The following SORCS2 variants were observed in gnomAD, a reference collection of about 807,000 sequenced individuals.
SORCS2 encodes sortilin related VPS10 domain containing receptor 2, also known as VPS10 domain-containing receptor SorCS2.
Under a neutral mutation model 141.6 loss-of-function variants are expected in SORCS2, and 100 were observed. The observed-to-expected ratio is 0.71, with a 90% CI of 0.60 to 0.83. The LOEUF is 0.83. Ranked by LOEUF, SORCS2 falls within the 40% of genes least tolerant of loss-of-function variation. The pLI, the probability that SORCS2 is intolerant of heterozygous loss-of-function variation, is 0.00. For missense variants in SORCS2, 1,646 were observed against 1,560.2 expected, an observed-to-expected ratio of 1.05 and a Z score of -0.93; for synonymous variants, 789 against 676.9, an observed-to-expected ratio of 1.17 and a Z score of -2.57.
chr4:7,270,108 T>G (rs1162387343), intron 1 of SORCS2, among the ~76,000 whole-genome samples: 2 of 152,264 alleles, frequency 1.3e-5, no homozygotes, highest in African/African-American at 4.8e-5. Context: ...CTTGAACTCC[T>G]GGCCTCAAGT....
At chr4:7,344,559 C>T (rs1720545859) in intron 1 of SORCS2, among the ~76,000 whole-genome samples, 1 of 152,224 alleles carries the variant, frequency 6.6e-6, no homozygotes. Flanking sequence ...CTGGGAATTC[C>T]AGAAGGGGAG....
chr4:7,219,352 C>A (rs762306170), intron 1 of SORCS2, among the ~76,000 whole-genome samples: 1 of 152,110 alleles, frequency 6.6e-6, no homozygotes, highest in Non-Finnish European at 1.5e-5. Context: ...CTATCTAGGC[C>A]GCATTCTAAG....
intron 3 of SORCS2, among the ~76,000 whole-genome samples, chr4:7,554,084 C>A (rs73214650): frequency 0.077 from 9,980 of 128,810 alleles, 377 homozygotes; most frequent in Non-Finnish European, 0.094. Flanking sequence ...AACGAGGGAA[C>A]AAATGCAAGG....
intron 3 of SORCS2, among the ~76,000 whole-genome samples, chr4:7,615,818 G>A (rs1718723510): frequency 6.6e-6 from 1 of 152,172 alleles, no homozygotes; most frequent in South Asian, 2.1e-4. Flanking sequence ...CTGACCAGGG[G>A]TGACCAACAG....
At chr4:7,666,792 G>A (rs564645068) in intron 7 of SORCS2, among the ~76,000 whole-genome samples, 1 of 152,222 alleles carries the variant, frequency 6.6e-6, no homozygotes, top group African/African-American at 2.4e-5. Context: ...GATCACCTTT[G>A]GTAACGAGCG....
chr4:7,206,943 G>C lies in SORCS2; in HGVS notation c.480+13817G>C, dbSNP rs1577274801. 2.0e-5 allele frequency among the ~76,000 whole-genome samples: 3 copies of C among 152,312 alleles called. No homozygotes were observed. The Middle Eastern group carries it at 0.01, about 518-fold the overall frequency. ...ACCATGGGAGGGCTTTCCCAGGGGA[G>C]AGCAGGATTCGAGAAACCTGGGCTT... is the stretch of plus-strand genomic sequence containing the variant. On this transcript the variant is annotated intron_variant, in intron 1 of 26. Transcript: ENST00000507866.
chr4:7,712,637 A>G, intron 14 of SORCS2, 96 bp from the exon 15 acceptor site: 2 of 1,526,324 alleles, frequency 1.3e-6, no homozygotes, highest in Non-Finnish European at 1.8e-6. Flanking sequence ...CCCATGGTAC[A>G]GGTAGGAACA....
intron 9 of SORCS2, among the ~76,000 whole-genome samples, chr4:7,677,517 C>G (rs998068412): frequency 6.6e-6 from 1 of 152,174 alleles, no homozygotes; most frequent in African/African-American, 2.4e-5. Flanking sequence ...GGACCCCTCT[C>G]AGTTGTTCAC....
chr4:7,436,765 G>A (rs888051418), intron 2 of SORCS2, among the ~76,000 whole-genome samples: 1 of 152,192 alleles, frequency 6.6e-6, no homozygotes, highest in Non-Finnish European at 1.5e-5. Context: ...GACCCTTGAT[G>A]GGCCTTTGGA....
At chr4:7,654,936 C>A (rs1322751586) in intron 5 of SORCS2, among the ~76,000 whole-genome samples, 5 of 152,162 alleles carry the variant, frequency 3.3e-5, no homozygotes, top group Admixed American at 2.6e-4. Flanking sequence ...CAGTGTGCCC[C>A]CTGAGCACCC....
chr4:7,375,164 C>A (rs1436052075), intron 1 of SORCS2, among the ~76,000 whole-genome samples: 5 of 152,136 alleles, frequency 3.3e-5, no homozygotes, highest in African/African-American at 9.7e-5. Flanking sequence ...CTGGGTCATC[C>A]CCATGAAGTG....
chr4:7,216,867 G>C (rs925625376), intron 1 of SORCS2, among the ~76,000 whole-genome samples: 7 of 137,464 alleles, frequency 5.1e-5, no homozygotes, highest in African/African-American at 2.0e-4. Flanking sequence ...CGCAAAGCCA[G>C]TTGAGATGGT....
At chr4:7,531,740 C>T (rs750261291) in intron 3 of SORCS2, 111 bp downstream of exon 3, 203 of 1,088,256 alleles carry the variant, frequency 1.9e-4, no homozygotes, top group African/African-American at 2.6e-4. Flanking sequence ...TGGCCCAGGC[C>T]GGAGTGTGAG....
intron 3 of SORCS2, among the ~76,000 whole-genome samples, chr4:7,550,097 T>TG (rs1352371732): frequency 2.9e-3 from 2 of 690 alleles, no homozygotes; most frequent in Non-Finnish European, 0.023. Context: ...GGAGCTGGTG[T>TG]TTTTTTTTTT....
intron 23 of SORCS2, among the ~76,000 whole-genome samples, chr4:7,729,954 C>T (rs1375884216): frequency 6.6e-6 from 1 of 152,140 alleles, no homozygotes; most frequent in African/African-American, 2.4e-5. Flanking sequence ...GGACCACCTC[C>T]CAGGGGGCTC....
At chr4:7,257,399 G>A (rs532633581) in intron 1 of SORCS2, among the ~76,000 whole-genome samples, 1 of 152,220 alleles carries the variant, frequency 6.6e-6, no homozygotes, top group African/African-American at 2.4e-5. Flanking sequence ...ACTCCCCGGG[G>A]CTCCAAGAGA....
chr4:7,471,161 C>T (rs1729950976), intron 2 of SORCS2, among the ~76,000 whole-genome samples: 1 of 152,228 alleles, frequency 6.6e-6, no homozygotes. Context: ...GGGAACAGGT[C>T]AGCGTTGCAC....
intron 3 of SORCS2, among the ~76,000 whole-genome samples, chr4:7,580,663 T>C (rs1490843651): frequency 6.6e-6 from 1 of 152,180 alleles, no homozygotes; most frequent in Admixed American, 6.5e-5. Flanking sequence ...TGGGAGCTAC[T>C]ATGGGCAGCA....
intron 1 of SORCS2, among the ~76,000 whole-genome samples, chr4:7,371,799 G>T (rs1222563803): frequency 6.6e-6 from 1 of 152,214 alleles, no homozygotes; most frequent in African/African-American, 2.4e-5. Context: ...CTCAGTAGCT[G>T]CACGCCCAGG....
Sources: allele counts gnomAD v4.1 joint callset (sites outside exome capture counted in the v4.1 genomes callset), GRCh38; gene constraint gnomAD v4.1.1; transcripts MANE v1.5; gene names NCBI Gene and HGNC (gene_info 2026-07-23, HGNC 2026-07-21).